Variants in DCDC1 observed in about 807,000 individuals in gnomAD.
The protein encoded by DCDC1 is doublecortin domain containing 1.
Under a neutral mutation model 178.3 loss-of-function variants are expected in DCDC1, and 200 were observed. The ratio of observed to expected loss-of-function variants is 1.12; its 90% CI spans 1.00 to 1.26. DCDC1 has a LOEUF of 1.26. Among genes scored for constraint, DCDC1 ranks in the 50% most tolerant of loss-of-function variants. The pLI, the probability that DCDC1 is intolerant of heterozygous loss-of-function variation, is 0.00. For synonymous variants in DCDC1, 690 were observed against 604.8 expected, an observed-to-expected ratio of 1.14 and a Z score of -2.07; for missense variants, 1,983 against 1,749.2, an observed-to-expected ratio of 1.13 and a Z score of -2.38.
intron 29 of DCDC1, 130 bp from the exon 30 acceptor site, chr11:30,906,855 A>G (rs564552875): frequency 3.4e-6 from 3 of 883,420 alleles, no homozygotes; most frequent in East Asian, 2.9e-5. Flanking sequence ...TTTATGCTAA[A>G]TTTAAATTTA....
chr11:31,220,934 G>A (rs1341758099), intron 9 of DCDC1, among the ~76,000 whole-genome samples: 1 of 152,078 alleles, frequency 6.6e-6, no homozygotes, highest in African/African-American at 2.4e-5. Context: ...GATCTCTGGT[G>A]CCTCTTCTGA....
At chr11:31,225,535 A>G (rs1346442969) in intron 9 of DCDC1, among the ~76,000 whole-genome samples, 2 of 151,332 alleles carry the variant, frequency 1.3e-5, no homozygotes, top group African/African-American at 4.8e-5. Context: ...ATAAAAGAAT[A>G]ACAATATATA....
intron 20 of DCDC1, among the ~76,000 whole-genome samples, chr11:30,964,454 C>T (rs1447772065): frequency 2.0e-5 from 3 of 152,120 alleles, no homozygotes; most frequent in African/African-American, 4.8e-5. Flanking sequence ...GCCTCTGCAG[C>T]TCCTTAACAC....
chr11:31,212,537 A>T (rs1226591616), intron 9 of DCDC1, among the ~76,000 whole-genome samples: 2 of 152,184 alleles, frequency 1.3e-5, no homozygotes, highest in African/African-American at 2.4e-5. Context: ...GTGAATTATT[A>T]AAAAAATACA....
chr11:30,869,898 CATG>C (rs1941375270), intron 38 of DCDC1, among the ~76,000 whole-genome samples: 1 of 152,108 alleles, frequency 6.6e-6, no homozygotes, highest in South Asian at 2.1e-4. Flanking sequence ...GAGGAAGTGA[CATG>C]ATATGATTCT....
At chr11:31,037,513 A>G (rs1025553607) in intron 20 of DCDC1, among the ~76,000 whole-genome samples, 2 of 150,554 alleles carry the variant, frequency 1.3e-5, no homozygotes, top group African/African-American at 4.9e-5. Context: ...GCTCACTGCA[A>G]GCTCCGCCTC....
At chr11:31,214,850 GCTT>G (rs1409621029) in intron 9 of DCDC1, among the ~76,000 whole-genome samples, 1 of 151,694 alleles carries the variant, frequency 6.6e-6, no homozygotes, top group African/African-American at 2.4e-5. Flanking sequence ...GGTAATTTAT[GCTT>G]CTTACCTTCA....
At chr11:31,256,029 T>C (rs1436907780) in intron 8 of DCDC1, among the ~76,000 whole-genome samples, 1 of 152,186 alleles carries the variant, frequency 6.6e-6, no homozygotes, top group African/African-American at 2.4e-5. Flanking sequence ...CCAACTTCAG[T>C]CTTTTGCATG....
rs138021031 is a variant in DCDC1 at position 31,045,276 on chromosome 11, T to C, written c.2591+19193A>G. 2.6e-4 allele frequency among the ~76,000 whole-genome samples: 40 copies of C among 152,272 alleles called. 1 individual carries two copies. Among genetic ancestry groups the C allele is most frequent in the African/African-American group, 9.4e-4 (39 of 41,562 alleles). On this transcript the variant is annotated intron_variant, in intron 20 of 38. Transcript: ENST00000684477. ...TCAAATTTAGGAATTTAATTTTTACTCTTCCTACTCAGAGAAATTTCTGCT... is the reference window on the plus strand; with the variant it reads ...TCAAATTTAGGAATTTAATTTTTACCCTTCCTACTCAGAGAAATTTCTGCT...
chr11:31,077,765 GA>G (rs1490092555), intron 18 of DCDC1, 99 bp downstream of exon 18: 3 of 632,904 alleles, frequency 4.7e-6, no homozygotes, highest in Non-Finnish European at 8.5e-6. Flanking sequence ...CATATATGCA[GA>G]AAAAGCATTT....
intron 20 of DCDC1, among the ~76,000 whole-genome samples, chr11:30,986,034 T>A (rs745647899): frequency 6.6e-6 from 1 of 152,178 alleles, no homozygotes; most frequent in African/African-American, 2.4e-5. Flanking sequence ...GATAGAGGTA[T>A]GTTTTTCTGT....
At chr11:31,217,743 T>C (rs1973761720) in intron 9 of DCDC1, among the ~76,000 whole-genome samples, 1 of 152,186 alleles carries the variant, frequency 6.6e-6, no homozygotes, top group Non-Finnish European at 1.5e-5. Context: ...TTATAAATGA[T>C]ACAACATTTA....
chr11:31,079,290 G>T (rs1424234607), intron 17 of DCDC1, among the ~76,000 whole-genome samples: 1 of 152,152 alleles, frequency 6.6e-6, no homozygotes, highest in Non-Finnish European at 1.5e-5. Context: ...GTGCCAGGAG[G>T]GTGGTGCATC....
intron 29 of DCDC1, among the ~76,000 whole-genome samples, chr11:30,906,983 C>T (rs1178934668): frequency 6.6e-6 from 1 of 152,026 alleles, no homozygotes; most frequent in Non-Finnish European, 1.5e-5. Flanking sequence ...GGAGAAATGG[C>T]CAGCTCCAGA....
intron 14 of DCDC1, among the ~76,000 whole-genome samples, chr11:31,102,483 C>G (rs1958575126): frequency 6.6e-6 from 1 of 152,126 alleles, no homozygotes; most frequent in Non-Finnish European, 1.5e-5. Flanking sequence ...ATGAGTATGT[C>G]CCTCTAGACA....
At chr11:31,196,928 C>G (rs1970760432) in intron 9 of DCDC1, among the ~76,000 whole-genome samples, 1 of 152,096 alleles carries the variant, frequency 6.6e-6, no homozygotes. Flanking sequence ...ACAAAAAATA[C>G]TCTACTCACG....
chr11:31,109,943 C>T (rs975984928), intron 12 of DCDC1, among the ~76,000 whole-genome samples: 1 of 152,092 alleles, frequency 6.6e-6, no homozygotes. Flanking sequence ...AGGGCATACC[C>T]TCCACTGAAT....
intron 20 of DCDC1, among the ~76,000 whole-genome samples, chr11:31,046,583 G>A (rs547894753): frequency 6.1e-4 from 90 of 147,666 alleles, no homozygotes; most frequent in African/African-American, 1.8e-3. Flanking sequence ...TAAGAGTCCT[G>A]TTAATCTCAA....
chr11:31,107,864 G>C (rs1350325087), intron 12 of DCDC1, among the ~76,000 whole-genome samples: 1 of 152,118 alleles, frequency 6.6e-6, no homozygotes, highest in Non-Finnish European at 1.5e-5. Context: ...GTCAGTTCTT[G>C]TGTCTCTCGG....
Sources: gnomAD v4.1 joint callset for allele counts (sites outside exome capture counted in the v4.1 genomes callset) on GRCh38, gnomAD v4.1.1 for gene constraint, MANE v1.5 for transcripts, NCBI Gene and HGNC (gene_info 2026-07-23, HGNC 2026-07-21) for gene names.